The following PIR variants were observed in gnomAD, a reference collection of about 807,000 sequenced individuals.
The protein encoded by PIR is pirin (iron-binding nuclear protein).
Under a neutral mutation model 24.2 loss-of-function variants are expected in PIR, and 22 were observed. The ratio of observed to expected loss-of-function variants is 0.91; its 90% CI spans 0.65 to 1.30. The LOEUF (loss-of-function observed/expected upper bound fraction) is 1.30. PIR is among the 50% of genes most tolerant of loss of function. The probability of loss-of-function intolerance (pLI) is 0.00; values close to 1 mark genes in which losing one functional copy is unlikely to be tolerated. For synonymous variants in PIR, 80 were observed against 79.6 expected (o/e 1.00, Z -0.03); for missense variants, 220 against 220.3 (o/e 1.00, Z 0.01).
In PIR at chrX:15,425,915, T is replaced by C. The variant is rs754259162; in HGVS notation, c.556A>G (p.Ile186Val). 3.5e-6 allele frequency: 4 copies of C among 1,148,042 alleles called. No homozygotes were observed. In the South Asian group the frequency reaches 7.2e-5, roughly 21 times the overall value. The allele number at this position is 1,148,042 out of a possible 1,213,427, so 94.6% of individuals were successfully genotyped here. The change falls in exon 6 of 10, where the codon ATC becomes GTC. Residue 186 changes from isoleucine to valine, a missense_variant. Ile to Val is a conservative substitution (Grantham distance 29). Coordinates refer to ENST00000380420, the MANE Select transcript of PIR (RefSeq NM_001018109.3). Reference protein sequence around the residue: ...LDPGAKHSQPIPKGWTSFIYT... With the variant: ...LDPGAKHSQPVPKGWTSFIYT... The stretch of plus-strand genomic sequence containing the variant: ...CCAGAACCCATCATACCTTTAGGGA[T>C]AGGTTGGGAATGTTTGGCTCCTGGG...
Position 15,385,109 on chromosome X carries a change from A to C in PIR, c.768T>G (p.Phe256Leu). The C allele has an allele frequency of 2.7e-6, 3 of 1,110,536 alleles. No individual in the cohort carries two copies. The highest frequency in any genetic ancestry group is 2.5e-6 in the Non-Finnish European group (2 of 806,193). The allele number at this position is 1,110,536 out of a possible 1,213,427, so 91.5% of individuals were successfully genotyped here. A position where few individuals can be genotyped will look rare whatever the true frequency, so the allele number is the denominator to read the frequency against. ...LREPVIQHGP[F>L]VMNTNEEISQ... Reference sequence around the variant, plus strand: ...AAATCTCTTCATTGGTGTTCATCACAAATGGACCTAGGGCAGAAAGAGACA... The same window carrying C: ...AAATCTCTTCATTGGTGTTCATCACCAATGGACCTAGGGCAGAAAGAGACA... The change falls in exon 10 of 10, where the codon TTT becomes TTG. Residue 256 changes from phenylalanine to leucine, a missense_variant. Phe to Leu is a conservative substitution (Grantham distance 22). Transcript: ENST00000380420.
intron 9 of PIR, among the ~76,000 whole-genome samples, chrX:15,385,966 C>A (rs983707120): frequency 8.9e-6 from 1 of 111,899 alleles, no homozygotes; most frequent in Non-Finnish European, 1.9e-5. Flanking sequence ...ATGTGTGTTT[C>A]TTCCCCTTTC....
At chrX:15,412,266 T>A (rs1003816718) in intron 6 of PIR, among the ~76,000 whole-genome samples, 5 of 112,067 alleles carry the variant, frequency 4.5e-5, no homozygotes, top group Admixed American at 9.5e-5. Flanking sequence ...TTGAAACAGT[T>A]CCTCAGTCTT....
rs189827947 is a variant in PIR, at chrX:15,447,466, C to T, written c.480+8382G>A. Among the ~76,000 whole-genome samples the T allele has an allele frequency of 2.0e-3, 220 of 111,145 alleles. 1 individual carries two copies. Among genetic ancestry groups the T allele is most frequent in the African/African-American group, 6.9e-3 (212 of 30,560 alleles). ...AGTAGCTGGGACTACAGGCACCCAC[C>T]ACCACTCCTGGCTAATTTTGTTTTT... On this transcript the variant is annotated intron_variant, in intron 5 of 9. Transcript: ENST00000380420.
intron 6 of PIR, among the ~76,000 whole-genome samples, chrX:15,415,257 G>A: frequency 9.0e-6 from 1 of 111,605 alleles, no homozygotes; most frequent in South Asian, 3.8e-4. Flanking sequence ...ACCTCACAGG[G>A]TCGTGAGGAT....
In PIR at chrX:15,492,387, C is replaced by T. The variant is rs779487851; in HGVS notation, c.-53+803G>A. On this transcript the variant is annotated intron_variant, in intron 1 of 9. Coordinates refer to ENST00000380420, the MANE Select transcript of PIR (RefSeq NM_001018109.3). ...TTACCTATAGCCAGAGTTTGTTATT[C>T]GAAAGTCTTTTCCTCTTTGGGAGGT... 2.8e-4 allele frequency among the ~76,000 whole-genome samples: 31 copies of T among 111,594 alleles called. 1 individual carries two copies. The highest frequency in any genetic ancestry group is 4.5e-4 in the Non-Finnish European group (24 of 53,084).
At chrX:15,491,562 T>C (rs1300723083) in intron 1 of PIR, among the ~76,000 whole-genome samples, 2 of 111,684 alleles carry the variant, frequency 1.8e-5, no homozygotes, top group Non-Finnish European at 3.8e-5. Flanking sequence ...AGTAATCTTG[T>C]GCGAAGGTTA....
intron 5 of PIR, among the ~76,000 whole-genome samples, chrX:15,427,693 T>TATAC (rs1292444831): frequency 1.1e-3 from 109 of 103,568 alleles, no homozygotes; most frequent in Middle Eastern, 5.1e-3. Flanking sequence ...TGACAGTACA[T>TATAC]ACACACACAC....
chrX:15,432,289 C>T (rs915767470), intron 5 of PIR, among the ~76,000 whole-genome samples: 1 of 111,868 alleles, frequency 8.9e-6, no homozygotes, highest in African/African-American at 3.2e-5. Flanking sequence ...AACAGTTCTG[C>T]TCAACCCTTG....
chrX:15,468,020 T>C lies in PIR; in HGVS notation c.190-8280A>G, dbSNP rs756392334. On this transcript the variant is annotated intron_variant, in intron 3 of 9. Transcript: ENST00000380420. ...TGGCACCACCTACATCTGGCAAAAC[T>C]GTGCTCAAGATGTTCATTTCCATTG... is the stretch of plus-strand genomic sequence containing the variant. Among the ~76,000 whole-genome samples the C allele has an allele frequency of 2.7e-5, 3 of 112,180 alleles. No individual in the cohort carries two copies. In the South Asian group the frequency reaches 1.1e-3, roughly 41 times the overall value.
chrX:15,431,044 G>C (rs964015636), intron 5 of PIR, among the ~76,000 whole-genome samples: 2 of 111,691 alleles, frequency 1.8e-5, no homozygotes, highest in Non-Finnish European at 3.8e-5. Context: ...TTCTTTGGGG[G>C]AACTATTTCA....
Position 15,392,685 on chromosome X carries a change from A to C in PIR, c.694-2434T>G, listed in dbSNP as rs138403231. Reference sequence around the variant, plus strand: ...TCCCTACAATCTCAGGGCTGGGGTCATTTAATACTTTTTAAATCAAAGCTG... The same window carrying C: ...TCCCTACAATCTCAGGGCTGGGGTCCTTTAATACTTTTTAAATCAAAGCTG... On this transcript the variant is annotated intron_variant, in intron 8 of 9. Transcript: ENST00000380420. Among the ~76,000 whole-genome samples the C allele has an allele frequency of 4.4e-3, 498 of 112,091 alleles. 3 individuals carry two copies. Among genetic ancestry groups the C allele is most frequent in the African/African-American group, 0.016 (484 of 30,931 alleles).
intron 6 of PIR, among the ~76,000 whole-genome samples, chrX:15,420,875 T>G (rs1426101256): frequency 9.0e-6 from 1 of 111,449 alleles, no homozygotes; most frequent in East Asian, 2.8e-4. Context: ...ATAAGTAAAC[T>G]GGGAAGGATT....
chrX:15,445,853 G>A (rs1373130530), intron 5 of PIR, among the ~76,000 whole-genome samples: 4 of 72,296 alleles, frequency 5.5e-5, no homozygotes, highest in South Asian at 1.6e-3. Context: ...TTTTTGAGAC[G>A]GAGTCTCGCT....
chrX:15,439,031 T>G (rs1209888099), intron 5 of PIR, among the ~76,000 whole-genome samples: 1 of 112,291 alleles, frequency 8.9e-6, no homozygotes, highest in Non-Finnish European at 1.9e-5. Flanking sequence ...TACAGCTTCC[T>G]GAACAGGCAT....
intron 3 of PIR, among the ~76,000 whole-genome samples, chrX:15,474,689 T>C (rs1922103666): frequency 1.8e-5 from 2 of 111,944 alleles, no homozygotes; most frequent in African/African-American, 6.5e-5. Flanking sequence ...TGCTTCACTG[T>C]AATCACAACT....
At chrX:15,436,912 A>C (rs1925768681) in intron 5 of PIR, among the ~76,000 whole-genome samples, 1 of 111,967 alleles carries the variant, frequency 8.9e-6, no homozygotes, top group South Asian at 3.7e-4. Context: ...CATTTGCAGG[A>C]TGTTCTGACA....
chrX:15,460,804 C>T (rs1245322547), intron 3 of PIR, among the ~76,000 whole-genome samples: 1 of 111,214 alleles, frequency 9.0e-6, no homozygotes, highest in Admixed American at 9.5e-5. Context: ...TCACGTTGTA[C>T]ACCTTGAATA....
In PIR at chrX:15,456,025, G is replaced by A. The variant is rs749050076; in HGVS notation, c.303C>T (p.His101=). ...QWMTAGRGIL[H]AEMPCSEEPA... Reference sequence around the variant, plus strand: ...GCTCCTCTGAGCAAGGCATCTCAGCGTGCAGAATGCCCCGGCCCGCAGTCA... The same window carrying A: ...GCTCCTCTGAGCAAGGCATCTCAGCATGCAGAATGCCCCGGCCCGCAGTCA... The change falls in exon 5 of 10, where the codon CAC becomes CAT. Residue 101 remains histidine (H), a synonymous_variant. Coordinates refer to ENST00000380420, the MANE Select transcript of PIR (RefSeq NM_001018109.3). 4 of 1,210,905 alleles carry A rather than the reference G, an allele frequency of 3.3e-6. No homozygotes were observed. The highest frequency in any genetic ancestry group is 5.9e-5 in the East Asian group (2 of 33,853).
Sources: allele counts gnomAD v4.1 joint callset (sites outside exome capture counted in the v4.1 genomes callset), GRCh38; gene constraint gnomAD v4.1.1; transcripts MANE v1.5; gene names NCBI Gene and HGNC (gene_info 2026-07-23, HGNC 2026-07-21).